Variants in TOP3A observed in about 807,000 individuals in gnomAD.
TOP3A encodes DNA topoisomerase III alpha.
A neutral mutation model predicts 111.3 loss-of-function variants in TOP3A; 64 were observed. The ratio of observed to expected loss-of-function variants is 0.57; its 90% CI spans 0.47 to 0.71. TOP3A has a LOEUF of 0.71. Among genes scored for constraint, TOP3A ranks in the 30% least tolerant of loss-of-function variants. The pLI is 0.00. For missense variants in TOP3A, 1,104 were observed against 1,285.0 expected, an observed-to-expected ratio of 0.86 and a Z score of 2.15; for synonymous variants, 484 against 485.1, an observed-to-expected ratio of 1.00 and a Z score of 0.03.
In TOP3A at chr17:18,273,599, G is replaced by A. The variant is rs532005519; in HGVS notation, c.*1203C>T. On this transcript the variant is annotated 3_prime_UTR_variant, in exon 19 of 19. Coordinates refer to ENST00000321105, the MANE Select transcript of TOP3A (RefSeq NM_004618.5). ...TGTTCCCCAGACCCTCTGCACTCTCGCAGGTCAGAGTAAAAAAAGGTTGGA... is the reference window on the plus strand; with the variant it reads ...TGTTCCCCAGACCCTCTGCACTCTCACAGGTCAGAGTAAAAAAAGGTTGGA... 2.1e-4 allele frequency among the ~76,000 whole-genome samples: 32 copies of A among 152,106 alleles called. No homozygotes were observed. Among genetic ancestry groups the A allele is most frequent in the Admixed American group, 1.6e-3 (24 of 15,296 alleles).
chr17:18,302,416 A>T lies in TOP3A; in HGVS notation c.662T>A (p.Phe221Tyr). 6.2e-7 allele frequency: 1 copy of T among 1,610,136 alleles called. No homozygotes were observed. Among genetic ancestry groups the T allele is most frequent in the Admixed American group, 1.7e-5 (1 of 59,242 alleles). The change falls in exon 7 of 19, where the codon TTC (phenylalanine) becomes TAC (tyrosine). Residue 221 changes from phenylalanine (F) to tyrosine (Y), a missense_variant. Transcript: ENST00000321105. Reference sequence around the variant, plus strand: ...AATCCTCTGAAGCCGCAGGGTCTGGAACCTAGTAAAGGCAGCTCCTGGAGA... The same window carrying T: ...AATCCTCTGAAGCCGCAGGGTCTGGTACCTAGTAAAGGCAGCTCCTGGAGA... ...DLRIGAAFTR[F>Y]QTLRLQRIFP...
At chr17:18,308,663 A>G (rs1981731409) in intron 2 of TOP3A, 1 of 476,280 alleles carries the variant, frequency 2.1e-6, no homozygotes, top group African/African-American at 2.4e-5. Flanking sequence ...AAACTATTGT[A>G]TATTAGCTTT....
intron 3 of TOP3A, 128 bp downstream of exon 3, chr17:18,308,223 C>CAAAAAAAAAAAAAAAAAA (rs201230376): frequency 4.3e-6 from 1 of 231,314 alleles, no homozygotes; most frequent in Non-Finnish European, 7.4e-6. Flanking sequence ...TTGTCTCCAA[C>CAAAAAAAAAAAAAAAAAA]AAAAAAAAAA....
chr17:18,295,702 G>T (rs986748999), intron 9 of TOP3A, among the ~76,000 whole-genome samples: 4 of 151,764 alleles, frequency 2.6e-5, no homozygotes, highest in African/African-American at 9.7e-5. Flanking sequence ...CAGGTGATCT[G>T]CCTGCCTTGG....
chr17:18,311,072 C>A (rs1981880459), intron 1 of TOP3A, among the ~76,000 whole-genome samples: 1 of 151,176 alleles, frequency 6.6e-6, no homozygotes, highest in Admixed American at 6.6e-5. Flanking sequence ...ACAATCTCGG[C>A]TCACTGCAAG....
In TOP3A at chr17:18,285,278, T is replaced by G; in HGVS notation, c.1741A>C (p.Lys581Gln). Residue 581 changes from lysine (K) to glutamine (Q), a missense_variant, in exon 15 of 19, where the codon AAG (lysine) becomes CAG (glutamine). By Grantham distance (53) the Lys-to-Gln change is moderately conservative. Transcript: ENST00000321105. ...TCCAGTTCAGCCCGGAGGTCAGGCT[T>G]AGACATTTCATAGCCCATGGAATCA... ...GYDSMGYEMS[K>Q]PDLRAELEAD... The G allele has an allele frequency of 6.2e-7, 1 of 1,614,156 alleles. No individual in the cohort carries two copies. Among genetic ancestry groups the G allele is most frequent in the Non-Finnish European group, 8.5e-7 (1 of 1,180,026 alleles).
chr17:18,306,693 A>G (rs1981597525), intron 4 of TOP3A, 198 bp downstream of exon 4: 1 of 456,774 alleles, frequency 2.2e-6, no homozygotes, highest in Non-Finnish European at 3.7e-6. Context: ...AACAACTACC[A>G]TTCATAAAAA....
At position 18,306,879 on chromosome 17, in the gene TOP3A, A is replaced by G; in HGVS notation, c.390+12T>C. 1 of 1,593,920 alleles carries G rather than the reference A, an allele frequency of 6.3e-7. No individual in the cohort carries two copies. Among genetic ancestry groups the G allele is most frequent in the Non-Finnish European group, 8.6e-7 (1 of 1,161,984 alleles). ...TTTGACTCAGTGCCATATGTCTTCC[A>G]AAAGACCCTACCTTGATGTCTACAA... On this transcript the variant is annotated intron_variant, in intron 4 of 18. Transcript: ENST00000321105.
At chr17:18,303,693 T>C (rs530064551) in intron 5 of TOP3A, among the ~76,000 whole-genome samples, 23 of 152,300 alleles carry the variant, frequency 1.5e-4, no homozygotes, top group African/African-American at 5.3e-4. Flanking sequence ...TTTGTTTTCC[T>C]GCTGACCCTC....
rs748379045 is a variant in TOP3A at position 18,274,772 on chromosome 17, G to GA, written c.*29dup. On this transcript the variant is annotated 3_prime_UTR_variant, in exon 19 of 19. Coordinates refer to ENST00000321105, the MANE Select transcript of TOP3A (RefSeq NM_004618.5). ...CTAAACACAAAGGGGACAGGTCTGA[G>GA]AAAGTGGCGTTCTCTACCCTACCCT... 1.3e-6 allele frequency: 2 copies of GA among 1,597,740 alleles called. No individual in the cohort carries two copies. Among genetic ancestry groups the GA allele is most frequent in the African/African-American group, 2.7e-5 (2 of 74,174 alleles).
chr17:18,310,853 C>CG (rs1466405545), intron 1 of TOP3A, among the ~76,000 whole-genome samples: 1 of 152,154 alleles, frequency 6.6e-6, no homozygotes, highest in East Asian at 1.9e-4. Flanking sequence ...CTTAACTCAT[C>CG]GGTGTCTCTT....
chr17:18,274,665 A>C lies in TOP3A; in HGVS notation c.*137T>G. The stretch of plus-strand genomic sequence containing the variant: ...TCTGGACCTTGTGCCCCTTAACACA[A>C]GAAGGCCCGACTCCAAAGGCCAACA... On this transcript the variant is annotated 3_prime_UTR_variant, in exon 19 of 19. Transcript: ENST00000321105. 2 of 1,420,594 alleles carry C rather than the reference A, an allele frequency of 1.4e-6. No individual in the cohort carries two copies. Among genetic ancestry groups the C allele is most frequent in the Non-Finnish European group, 1.9e-6 (2 of 1,070,730 alleles). The allele number at this position is 1,420,594 out of a possible 1,614,324, so 88.0% of individuals were successfully genotyped here. A position where few individuals can be genotyped will look rare whatever the true frequency, so the allele number is the denominator to read the frequency against.
At position 18,303,680 on chromosome 17, in the gene TOP3A, T is replaced by C. The variant is rs1298703270; in HGVS notation, c.500-957A>G. On this transcript the variant is annotated intron_variant, in intron 5 of 18. Coordinates refer to ENST00000321105, the MANE Select transcript of TOP3A (RefSeq NM_004618.5). ...TTAAACTTATTTATGACACAGTCTT[T>C]TGTTTGTTTTCCTGCTGACCCTCTC... 2.6e-5 allele frequency among the ~76,000 whole-genome samples: 4 copies of C among 152,130 alleles called. No individual in the cohort carries two copies. The East Asian group carries it at 7.7e-4, about 29-fold the overall frequency.
Position 18,285,205 on chromosome 17 carries a change from A to G in TOP3A, c.1814T>C (p.Val605Ala). The stretch of plus-strand genomic sequence containing the variant: ...GTATTTCTGCACTTGCTGCCTTAGA[A>G]CCACAAATTTGTCCTTTTTGCCATC... ...ICDGKKDKFV[V>A]LRQQVQKYKQ... Residue 605 changes from valine (V) to alanine (A), a missense_variant, in exon 15 of 19, where the codon GTT (valine) becomes GCT (alanine). Transcript: ENST00000321105. The G allele has an allele frequency of 6.2e-7, 1 of 1,614,174 alleles. No homozygotes were observed. Among genetic ancestry groups the G allele is most frequent in the Non-Finnish European group, 8.5e-7 (1 of 1,180,028 alleles).
intron 5 of TOP3A, 68 bp downstream of exon 5, chr17:18,305,044 T>C (rs965560911): frequency 2.2e-6 from 3 of 1,362,746 alleles, no homozygotes; most frequent in African/African-American, 1.4e-5. Context: ...CATGTGCACA[T>C]ATAAACAAGA....
chr17:18,276,164 C>A (rs1210637227), intron 18 of TOP3A, among the ~76,000 whole-genome samples: 1 of 152,158 alleles, frequency 6.6e-6, no homozygotes, highest in East Asian at 1.9e-4. Context: ...AGGCAGAAAC[C>A]CAAGCAAGCT....
At position 18,277,951 on chromosome 17, in the gene TOP3A, T is replaced by C. The variant is rs1274970635; in HGVS notation, c.2551A>G (p.Ser851Gly). The C allele has an allele frequency of 1.2e-6, 2 of 1,613,982 alleles. No individual in the cohort carries two copies. The stretch of plus-strand genomic sequence containing the variant: ...GGCCCTCCTGCTCCCGGATTGGGGC[T>C]GTCTGCCCACAGGAAGAAGTTGCAG... ...GSCNFFLWAD[S>G]PNPGAGGPPA... Residue 851 changes from serine (S) to glycine (G), a missense_variant, in exon 18 of 19, where the codon AGC becomes GGC. Coordinates refer to ENST00000321105, the MANE Select transcript of TOP3A (RefSeq NM_004618.5).
intron 18 of TOP3A, among the ~76,000 whole-genome samples, chr17:18,275,789 G>GAGGTC (rs1979328942): frequency 6.6e-6 from 1 of 151,448 alleles, no homozygotes; most frequent in Admixed American, 6.6e-5. Context: ...GAGAGTAGCT[G>GAGGTC]GGACTACAGG....
At chr17:18,297,844 C>A (rs1170889259) in intron 9 of TOP3A, among the ~76,000 whole-genome samples, 1 of 151,486 alleles carries the variant, frequency 6.6e-6, no homozygotes, top group Non-Finnish European at 1.5e-5. Context: ...CCGGCCGCCA[C>A]CCCATCTGGG....
Sources: gnomAD v4.1 joint callset for allele counts (sites outside exome capture counted in the v4.1 genomes callset) on GRCh38, gnomAD v4.1.1 for gene constraint, MANE v1.5 for transcripts, NCBI Gene and HGNC (gene_info 2026-07-23, HGNC 2026-07-21) for gene names.